Variants in USP4 observed in about 807,000 individuals in gnomAD.
The protein encoded by USP4 is ubiquitin carboxyl-terminal hydrolase 4.
A neutral mutation model predicts 118.2 loss-of-function variants in USP4; 72 were observed. That is an observed-to-expected ratio of 0.61 (90% confidence interval 0.50 to 0.74). The LOEUF (loss-of-function observed/expected upper bound fraction) is 0.74. Ranked by LOEUF, USP4 falls within the 30% of genes least tolerant of loss-of-function variation. The pLI is 0.00. For synonymous variants in USP4, 415 were observed against 440.4 expected (o/e 0.94, Z 0.72); for missense variants, 1,037 against 1,185.7 (o/e 0.87, Z 1.84).
At chr3:49,330,688 C>T (rs746586456) in intron 2 of USP4, among the ~76,000 whole-genome samples, 1 of 152,036 alleles carries the variant, frequency 6.6e-6, no homozygotes, top group Admixed American at 6.6e-5. Context: ...GGTCTCAACC[C>T]TGAGCTAAAA....
chr3:49,295,701 T>TGCGCAC (rs1553623996), intron 13 of USP4, among the ~76,000 whole-genome samples: 3 of 146,072 alleles, frequency 2.1e-5, no homozygotes, highest in African/African-American at 8.0e-5. Flanking sequence ...TATGCACGTG[T>TGCGCAC]GCGCGCGCGC....
intron 8 of USP4, 25 bp downstream of exon 8, chr3:49,310,595 T>C: frequency 6.3e-7 from 1 of 1,590,488 alleles, no homozygotes; most frequent in Non-Finnish European, 8.6e-7. Context: ...TGCTGTGTTA[T>C]TTGAATGGAA....
intron 9 of USP4, among the ~76,000 whole-genome samples, chr3:49,302,860 G>A (rs142679918): frequency 1.1e-4 from 16 of 152,238 alleles, no homozygotes; most frequent in African/African-American, 3.9e-4. Flanking sequence ...GTCCTTCTTT[G>A]GTTCAGAGTC....
intron 14 of USP4, chr3:49,293,661 A>C (rs572570801): frequency 1.3e-5 from 2 of 151,762 alleles, no homozygotes; most frequent in African/African-American, 4.8e-5. Flanking sequence ...AGAGAGCAAG[A>C]TTCCATCTCG....
At chr3:49,317,421 CTTG>C (rs2047450850) in intron 6 of USP4, 3 of 968,772 alleles carry the variant, frequency 3.1e-6, no homozygotes, top group Non-Finnish European at 4.9e-6. Context: ...ATTTGACCAG[CTTG>C]TTGTCGTAGT....
intron 12 of USP4, among the ~76,000 whole-genome samples, 196 bp downstream of exon 12, chr3:49,298,356 T>TAA (rs948566198): frequency 6.6e-6 from 1 of 151,134 alleles, no homozygotes; most frequent in Non-Finnish European, 1.5e-5. Flanking sequence ...GAAGGAAAGA[T>TAA]AGTGTTTCCT....
rs2046980308 is a variant in USP4 at position 49,277,977 on chromosome 3, C to T, written c.*316G>A. On this transcript the variant is annotated 3_prime_UTR_variant, in exon 22 of 22. Transcript: ENST00000265560. ...TCTCCAGGCTGCTCCATACTCAGCGCCTGTGTTCCTCTCCATTCTTCGGGA... is the reference window on the plus strand; with the variant it reads ...TCTCCAGGCTGCTCCATACTCAGCGTCTGTGTTCCTCTCCATTCTTCGGGA... 9.2e-6 allele frequency: 4 copies of T among 434,264 alleles called. No homozygotes were observed. Among genetic ancestry groups the T allele is most frequent in the Non-Finnish European group, 1.6e-5 (4 of 248,736 alleles). The allele number at this position is 434,264 out of a possible 1,614,324, so 26.9% of individuals were successfully genotyped here. A position where few individuals can be genotyped will look rare whatever the true frequency, so the allele number is the denominator to read the frequency against.
At chr3:49,324,116 A>C (rs1401399415) in intron 6 of USP4, among the ~76,000 whole-genome samples, 1 of 152,100 alleles carries the variant, frequency 6.6e-6, no homozygotes, top group African/African-American at 2.4e-5. Flanking sequence ...CTTGAGCCTC[A>C]GCCTCCCGAG....
Position 49,277,167 on chromosome 3 carries a change from GC to G in USP4, c.*1125del. The G allele has an allele frequency of 7.1e-7, 1 of 1,404,308 alleles. No homozygotes were observed. The highest frequency in any genetic ancestry group is 1.4e-5 in the African/African-American group (1 of 70,180). 87.0% of individuals were successfully genotyped at this position (1,404,308 alleles called of 1,614,324 possible). A position where few individuals can be genotyped will look rare whatever the true frequency, so the allele number is the denominator to read the frequency against. On this transcript the variant is annotated 3_prime_UTR_variant, in exon 22 of 22. Coordinates refer to ENST00000265560, the MANE Select transcript of USP4 (RefSeq NM_003363.4). ...GCACCCCCCCTTTGGCGAGTCGGCA[GC>G]CACGTCCTTGTCCTCACCCGCAGCG...
chr3:49,337,163 A>G (rs1278612978), intron 1 of USP4, among the ~76,000 whole-genome samples: 2 of 152,218 alleles, frequency 1.3e-5, no homozygotes, highest in East Asian at 3.9e-4. Flanking sequence ...CTGTAGTCCC[A>G]GCTGCTCGGG....
intron 8 of USP4, 34 bp downstream of exon 8, chr3:49,310,586 G>A: frequency 6.4e-7 from 1 of 1,564,564 alleles, no homozygotes; most frequent in Non-Finnish European, 8.8e-7. Flanking sequence ...ACCTCAAGAT[G>A]CTGTGTTATT....
chr3:49,331,511 C>T (rs2047617389), intron 2 of USP4, among the ~76,000 whole-genome samples: 1 of 152,042 alleles, frequency 6.6e-6, no homozygotes, highest in Non-Finnish European at 1.5e-5. Flanking sequence ...ATCTCAGCTA[C>T]TTGGGAGGCT....
Position 49,311,516 on chromosome 3 carries a change from C to G in USP4, c.834G>C (p.Arg278Ser), listed in dbSNP as rs149837279. The G allele has an allele frequency of 2.4e-5, 38 of 1,613,140 alleles. No individual in the cohort carries two copies. In the African/African-American group the frequency reaches 2.9e-4, roughly 12 times the overall value. ...TCGMHSSGVS[R>S]GGSGFSASYN... ...AGAGTGAAAGGACCTGCTCTTACCCCCTGCTGACACCGGAACTGTGCATCC... is the reference window on the plus strand; with the variant it reads ...AGAGTGAAAGGACCTGCTCTTACCCGCTGCTGACACCGGAACTGTGCATCC... Residue 278 changes from arginine to serine, a missense_variant and splice_region_variant, in exon 7 of 22, where the codon AGG (arginine) becomes AGC (serine). Coordinates refer to ENST00000265560, the MANE Select transcript of USP4 (RefSeq NM_003363.4).
chr3:49,290,230 G>T (rs1476156019), intron 15 of USP4, among the ~76,000 whole-genome samples: 1 of 152,108 alleles, frequency 6.6e-6, no homozygotes, highest in South Asian at 2.1e-4. Context: ...GACTCGCCAT[G>T]ATGGAGACAC....
chr3:49,313,146 C>A (rs2047404006), intron 6 of USP4, among the ~76,000 whole-genome samples: 3 of 152,032 alleles, frequency 2.0e-5, no homozygotes, highest in Non-Finnish European at 4.4e-5. Context: ...CTGCCTTGGC[C>A]TCCCAAAGTG....
intron 5 of USP4, 35 bp downstream of exon 5, chr3:49,324,859 A>G: frequency 6.2e-7 from 1 of 1,613,994 alleles, no homozygotes; most frequent in Non-Finnish European, 8.5e-7. Context: ...CCCTGGGCAG[A>G]GCTACCTGCT....
chr3:49,339,563 T>C (rs1179469531), intron 1 of USP4, among the ~76,000 whole-genome samples: 1 of 152,242 alleles, frequency 6.6e-6, no homozygotes, highest in Non-Finnish European at 1.5e-5. Context: ...ATCCTGGTTT[T>C]AACAGTGAGG....
intron 6 of USP4, among the ~76,000 whole-genome samples, chr3:49,315,279 T>C (rs1415483067): frequency 6.6e-6 from 1 of 152,036 alleles, no homozygotes; most frequent in Non-Finnish European, 1.5e-5. Flanking sequence ...TCCCAGGAGT[T>C]TGAGGTTGCA....
intron 18 of USP4, 62 bp downstream of exon 18, chr3:49,284,404 C>G: frequency 2.2e-6 from 3 of 1,354,328 alleles, no homozygotes; most frequent in Non-Finnish European, 3.1e-6. Context: ...CACAGATGGC[C>G]CTAGCAGATC....
Sources: gnomAD v4.1 joint callset for allele counts (sites outside exome capture counted in the v4.1 genomes callset) on GRCh38, gnomAD v4.1.1 for gene constraint, MANE v1.5 for transcripts, NCBI Gene and HGNC (gene_info 2026-07-23, HGNC 2026-07-21) for gene names.